The following GPM6A variants were observed in gnomAD, a reference collection of about 807,000 sequenced individuals.
GPM6A encodes the protein neuronal membrane glycoprotein M6-a.
Under a neutral mutation model 32.1 loss-of-function variants are expected in GPM6A, and 7 were observed. That is an observed-to-expected ratio of 0.22 (90% CI 0.12 to 0.41). GPM6A has a LOEUF of 0.41. Among genes scored for constraint, GPM6A ranks in the 10% least tolerant of loss-of-function variants. The pLI is 1.00. For missense variants in GPM6A, 235 were observed against 347.2 expected (o/e 0.68, Z 2.57); for synonymous variants, 130 against 123.4 (o/e 1.05, Z -0.35).
intron 1 of GPM6A, among the ~76,000 whole-genome samples, chr4:175,785,149 A>G (rs1012735461): frequency 1.3e-5 from 2 of 152,178 alleles, no homozygotes; most frequent in African/African-American, 4.8e-5. Context: ...TTAATCTCTA[A>G]GATCACTTGC....
At chr4:175,805,898 T>G (rs905485305) in intron 1 of GPM6A, 5 of 152,246 alleles carry the variant, frequency 3.3e-5, no homozygotes, top group Admixed American at 2.0e-4. Context: ...AGTTATCTTC[T>G]GTTTTTCTTT....
intron 1 of GPM6A, among the ~76,000 whole-genome samples, chr4:175,859,974 C>T (rs901309606): frequency 1.3e-5 from 2 of 151,800 alleles, no homozygotes; most frequent in African/African-American, 4.8e-5. Context: ...CATTTTGAGA[C>T]CATTTTAAAC....
intron 1 of GPM6A, among the ~76,000 whole-genome samples, chr4:175,924,666 C>G (rs1454727308): frequency 1.3e-5 from 2 of 151,930 alleles, no homozygotes; most frequent in African/African-American, 2.4e-5. Context: ...ATGGCAAAAC[C>G]CCGTCTCTAC....
At chr4:175,979,390 C>A (rs1238534266) in intron 1 of GPM6A, among the ~76,000 whole-genome samples, 1 of 152,198 alleles carries the variant, frequency 6.6e-6, no homozygotes. Flanking sequence ...CAGCCTATTA[C>A]TAAAGCAGAG....
At chr4:175,660,560 A>C (rs1742350016) in intron 3 of GPM6A, among the ~76,000 whole-genome samples, 1 of 152,196 alleles carries the variant, frequency 6.6e-6, no homozygotes, top group Admixed American at 6.5e-5. Flanking sequence ...AATAAAGGAA[A>C]TATGTTGCTA....
At chr4:175,869,395 G>A (rs1025080069) in intron 1 of GPM6A, among the ~76,000 whole-genome samples, 1 of 151,978 alleles carries the variant, frequency 6.6e-6, no homozygotes, top group African/African-American at 2.4e-5. Context: ...AAAATAAAAA[G>A]GGAGCACATA....
chr4:175,666,381 A>G (rs1742754058), intron 3 of GPM6A, among the ~76,000 whole-genome samples: 1 of 152,242 alleles, frequency 6.6e-6, no homozygotes, highest in Non-Finnish European at 1.5e-5. Context: ...TGAGAAACAG[A>G]GATAAAGAAA....
upstream of GPM6A, chr4:175,812,337 T>TTTTTTA: frequency 3.0e-6 from 4 of 1,346,910 alleles, no homozygotes; most frequent in Non-Finnish European, 3.9e-6. Context: ...TTTTTTTTTT[T>TTTTTTA]TTTCCTGGGA....
At chr4:175,675,015 G>A (rs1208640154) in intron 2 of GPM6A, among the ~76,000 whole-genome samples, 1 of 151,912 alleles carries the variant, frequency 6.6e-6, no homozygotes, top group Non-Finnish European at 1.5e-5. Flanking sequence ...TGGATAGATA[G>A]ATAGATTTAA....
chr4:175,697,849 T>C (rs573856136), intron 2 of GPM6A, among the ~76,000 whole-genome samples: 1 of 152,310 alleles, frequency 6.6e-6, no homozygotes, highest in Non-Finnish European at 1.5e-5. Context: ...CAGCTCCCAC[T>C]GGCAGGGGCT....
intron 2 of GPM6A, among the ~76,000 whole-genome samples, chr4:175,700,258 TTTTATGAAAAACAA>T (rs1744805087): frequency 6.6e-6 from 1 of 152,178 alleles, no homozygotes; most frequent in Non-Finnish European, 1.5e-5. Flanking sequence ...TGAAATATAC[TTTTATGAAAAACAA>T]TTTATGAAAA....
intron 1 of GPM6A, among the ~76,000 whole-genome samples, chr4:176,001,004 C>G (rs1369622701): frequency 1.3e-5 from 2 of 152,180 alleles, no homozygotes; most frequent in African/African-American, 4.8e-5. Flanking sequence ...TAAGACACTT[C>G]CAGGGGTCAA....
At chr4:175,760,682 A>T (rs920738850) in intron 1 of GPM6A, among the ~76,000 whole-genome samples, 1 of 152,200 alleles carries the variant, frequency 6.6e-6, no homozygotes, top group African/African-American at 2.4e-5. Context: ...GGGAATATTT[A>T]TAAAACTAGA....
chr4:175,931,671 T>TATACACACACACAC (rs1373359870), intron 1 of GPM6A, among the ~76,000 whole-genome samples: 1 of 136,536 alleles, frequency 7.3e-6, no homozygotes, highest in African/African-American at 2.9e-5. Context: ...TTAAAAAATA[T>TATACACACACACAC]ACACACACAC....
intron 1 of GPM6A, among the ~76,000 whole-genome samples, chr4:175,933,834 G>A (rs1162324183): frequency 6.6e-6 from 1 of 152,122 alleles, no homozygotes; most frequent in African/African-American, 2.4e-5. Context: ...GTGAGCCACT[G>A]CGCCCGGCCA....
intron 1 of GPM6A, among the ~76,000 whole-genome samples, chr4:175,855,438 T>A (rs557228833): frequency 6.6e-6 from 1 of 152,282 alleles, no homozygotes; most frequent in Non-Finnish European, 1.5e-5. Flanking sequence ...CAAGAGAATC[T>A]AACTGTATTA....
At chr4:175,645,014 C>T (rs1297342307) in intron 4 of GPM6A, among the ~76,000 whole-genome samples, 3 of 152,002 alleles carry the variant, frequency 2.0e-5, no homozygotes, top group Non-Finnish European at 2.9e-5. Context: ...GCAGGAGAAT[C>T]GCTTGAACCC....
rs56700410 is a variant in GPM6A at position 175,764,846 on chromosome 4, CATTATTATTATTATT to C, written c.37+47330_37+47344del. On this transcript the variant is annotated intron_variant, in intron 1 of 6. Transcript: ENST00000393658. ...CCATTCTAGTGACTCAACCCAAAGGCATTATTATTATTATTATTATTATTATTATTATTATTATTA... is the reference window on the plus strand; with the variant it reads ...CCATTCTAGTGACTCAACCCAAAGGCATTATTATTATTATTATTATTATTA... 7.8e-4 allele frequency among the ~76,000 whole-genome samples: 109 copies of C among 140,522 alleles called. 1 individual carries two copies. Among genetic ancestry groups the C allele is most frequent in the African/African-American group, 2.5e-3 (96 of 38,372 alleles). The allele number at this position is 140,522 out of a possible 152,430, so 92.2% of individuals were successfully genotyped here. A position where few individuals can be genotyped will look rare whatever the true frequency, so the allele number is the denominator to read the frequency against.
intron 1 of GPM6A, among the ~76,000 whole-genome samples, chr4:175,735,459 A>T (rs989268673): frequency 2.6e-5 from 4 of 152,218 alleles, no homozygotes. Context: ...GAATGCATAG[A>T]TGATATCACT....
Sources: gnomAD v4.1 joint callset for allele counts (sites outside exome capture counted in the v4.1 genomes callset) on GRCh38, gnomAD v4.1.1 for gene constraint, MANE v1.5 for transcripts, NCBI Gene and HGNC (gene_info 2026-07-23, HGNC 2026-07-21) for gene names.